Variants in GPR19 observed in about 807,000 individuals in gnomAD.
The protein encoded by GPR19 is probable G protein-coupled receptor 19.
GPR19 carries 14 observed loss-of-function variants against 28.5 expected under a neutral mutation model. The observed-to-expected ratio is 0.49, with a 90% confidence interval of 0.32 to 0.77. The LOEUF (loss-of-function observed/expected upper bound fraction) is 0.77. GPR19 is among the 30% of genes least tolerant of loss of function. The pLI, the probability that GPR19 is intolerant of heterozygous loss-of-function variation, is 0.03. For missense variants in GPR19, 409 were observed against 504.1 expected (o/e 0.81, Z 1.81); for synonymous variants, 173 against 184.1 (o/e 0.94, Z 0.49).
At chr12:12,696,019 C>CA (rs1269252952) in intron 1 of GPR19, 46 bp downstream of exon 1, 1 of 152,236 alleles carries the variant, frequency 6.6e-6, no homozygotes, top group East Asian at 1.9e-4. Context: ...CCTCCCCTCA[C>CA]AGAGTTCACG....
intron 3 of GPR19, among the ~76,000 whole-genome samples, chr12:12,666,729 G>A (rs138188771): frequency 1.3e-5 from 2 of 152,296 alleles, no homozygotes; most frequent in Admixed American, 6.5e-5. Context: ...GATCTGTAAG[G>A]ACAGAGAACT....
intron 3 of GPR19, among the ~76,000 whole-genome samples, chr12:12,678,661 TTC>T (rs1436861007): frequency 6.6e-6 from 1 of 152,260 alleles, no homozygotes; most frequent in African/African-American, 2.4e-5. Flanking sequence ...GAAGATTTAT[TTC>T]TCTCTTTGGA....
chr12:12,702,799 ATTC>A, the GPR19 span, among the ~76,000 whole-genome samples: 1 of 152,286 alleles, frequency 6.6e-6, no homozygotes, highest in Non-Finnish European at 1.5e-5. Context: ...TAATTACACT[ATTC>A]TACACCCCAG....
At chr12:12,684,088 A>G (rs532966276) in intron 3 of GPR19, 2 of 152,292 alleles carry the variant, frequency 1.3e-5, no homozygotes, top group South Asian at 2.1e-4. Context: ...TCAAGGGGAA[A>G]AAATCCTTTT....
At chr12:12,678,073 CAAAAAAAA>C (rs56014911) in intron 3 of GPR19, among the ~76,000 whole-genome samples, 7 of 46,138 alleles carry the variant, frequency 1.5e-4, no homozygotes, top group Admixed American at 1.4e-3. Flanking sequence ...GACTCTGTCT[CAAAAAAAA>C]AAAAAAAAAA....
chr12:12,685,329 A>G (rs924558432), intron 2 of GPR19, among the ~76,000 whole-genome samples: 2 of 149,094 alleles, frequency 1.3e-5, no homozygotes, highest in African/African-American at 2.5e-5. Context: ...ATGCCCAAAT[A>G]TCTATGCTTA....
At chr12:12,663,556 GA>G (rs1294946663) in intron 3 of GPR19, among the ~76,000 whole-genome samples, 4 of 151,942 alleles carry the variant, frequency 2.6e-5, no homozygotes, top group Admixed American at 6.6e-5. Context: ...TATTCAGTGA[GA>G]AAAAAAGTCA....
At chr12:12,701,656 C>T in the GPR19 span, among the ~76,000 whole-genome samples, 1 of 152,108 alleles carries the variant, frequency 6.6e-6, no homozygotes, top group South Asian at 2.1e-4. Flanking sequence ...AAAGGCCAGG[C>T]CAGGTGGCTC....
the GPR19 span, chr12:12,715,091 A>C: frequency 2.6e-5 from 4 of 152,324 alleles, no homozygotes; most frequent in East Asian, 7.7e-4. Flanking sequence ...GTAAAATCAA[A>C]CTTCTGTGGC....
At position 12,661,047 on chromosome 12, in the gene GPR19, A is replaced by G; in HGVS notation, c.*154T>C. 1.7e-6 allele frequency: 1 copy of G among 571,834 alleles called. No individual in the cohort carries two copies. The highest frequency in any genetic ancestry group is 2.9e-6 in the Non-Finnish European group (1 of 340,386). The allele number at this position is 571,834 out of a possible 1,614,324, so 35.4% of individuals were successfully genotyped here. ...TAAAACATAAAAAGCAAGTAAAATA[A>G]AACCCACAAAAACTACAGTAAACAA... On this transcript the variant is annotated 3_prime_UTR_variant, in exon 4 of 4. Coordinates refer to ENST00000651487, the MANE Select transcript of GPR19 (RefSeq NM_006143.3). This position sits in a 1 kb window ranked among gnomAD's most constrained non-coding sequence, Gnocchi z 4.2.
chr12:12,684,435 A>G lies in GPR19; in HGVS notation c.-107T>C, dbSNP rs1946065102. 6.6e-6 allele frequency: 1 copy of G among 152,250 alleles called. No homozygotes were observed. Among genetic ancestry groups the G allele is most frequent in the African/African-American group, 2.4e-5 (1 of 41,458 alleles). The allele number at this position is 152,250 out of a possible 1,614,324, so 9.4% of individuals were successfully genotyped here. On this transcript the variant is annotated 5_prime_UTR_variant, in exon 3 of 4. The change abolishes an upstream ATG in the 5' untranslated region. Coordinates refer to ENST00000651487, the MANE Select transcript of GPR19 (RefSeq NM_006143.3). ...CTTGCATAGGAGTTTGGAGAATGCC[A>G]TAAACCACCAGGAAAGCCTGGAAAC...
chr12:12,667,929 G>A (rs1357350115), intron 3 of GPR19, among the ~76,000 whole-genome samples: 2 of 152,152 alleles, frequency 1.3e-5, no homozygotes, highest in Non-Finnish European at 2.9e-5. Flanking sequence ...GGGTGGATAT[G>A]TTAGTAAAAA....
At chr12:12,698,408 A>C (rs1193203095), upstream of GPR19, among the ~76,000 whole-genome samples, 1 of 152,200 alleles carries the variant, frequency 6.6e-6, no homozygotes, top group Non-Finnish European at 1.5e-5. Flanking sequence ...CTGATACTGT[A>C]AAGTAATGAA....
chr12:12,676,036 A>T, intron 3 of GPR19, among the ~76,000 whole-genome samples: 1 of 152,234 alleles, frequency 6.6e-6, no homozygotes, highest in East Asian at 1.9e-4. Flanking sequence ...ATATAATTTA[A>T]TTTGAGTACT....
In GPR19 at chr12:12,664,919, C is replaced by CAAAAAAA. The variant is rs746346681; in HGVS notation, c.-22-2456_-22-2450dup. ...TGGGCGACGGGGTGAGACGCCATCT[C>CAAAAAAA]AAAAAAAAAAAAAAAAAAAAAAAAA... On this transcript the variant is annotated intron_variant, in intron 3 of 3. Transcript: ENST00000651487. Among the ~76,000 whole-genome samples, 13 of 31,108 alleles carry CAAAAAAA rather than the reference C, an allele frequency of 4.2e-4. 2 individuals carry two copies. The highest frequency in any genetic ancestry group is 1.1e-3 in the African/African-American group (12 of 10,734). 20.4% of individuals were successfully genotyped at this position (31,108 alleles called of 152,430 possible). A position where few individuals can be genotyped will look rare whatever the true frequency, so the allele number is the denominator to read the frequency against.
upstream of GPR19, among the ~76,000 whole-genome samples, chr12:12,699,946 A>G (rs1294283560): frequency 6.6e-6 from 1 of 151,834 alleles, no homozygotes; most frequent in Non-Finnish European, 1.5e-5. Context: ...TTCAAATAGA[A>G]AAGAGAGTAT....
chr12:12,665,290 T>C (rs1211611430), intron 3 of GPR19, among the ~76,000 whole-genome samples: 1 of 152,206 alleles, frequency 6.6e-6, no homozygotes, highest in Non-Finnish European at 1.5e-5. Flanking sequence ...CTCACCGCTT[T>C]AACTAAAGCC....
chr12:12,692,949 C>A (rs1347223671), intron 2 of GPR19, among the ~76,000 whole-genome samples: 1 of 152,096 alleles, frequency 6.6e-6, no homozygotes, highest in Non-Finnish European at 1.5e-5. Flanking sequence ...GAAAAGGAAC[C>A]CAATTAAAGA....
At chr12:12,679,682 A>G (rs1030842111) in intron 3 of GPR19, among the ~76,000 whole-genome samples, 1 of 150,466 alleles carries the variant, frequency 6.6e-6, no homozygotes, top group Non-Finnish European at 1.5e-5. Context: ...CCAAAACACT[A>G]CAATGACAAG....
Sources: allele counts gnomAD v4.1 joint callset (sites outside exome capture counted in the v4.1 genomes callset), GRCh38; gene constraint gnomAD v4.1.1; non-coding constraint Gnocchi (gnomAD v3.1); transcripts MANE v1.5; gene names NCBI Gene and HGNC (gene_info 2026-07-23, HGNC 2026-07-21).